Variants in LRP2 observed in about 807,000 individuals in gnomAD.
LRP2 encodes the protein low-density lipoprotein receptor-related protein 2.
In LRP2, 172 loss-of-function variants were observed where a neutral mutation model predicts 531.0. The ratio of observed to expected loss-of-function variants is 0.32; its 90% CI spans 0.29 to 0.37. LRP2 has a LOEUF of 0.37. Ranked by LOEUF, LRP2 falls within the 10% of genes least tolerant of loss-of-function variation. The pLI, the probability that LRP2 is intolerant of heterozygous loss-of-function variation, is 1.00. For synonymous variants in LRP2, 1,992 were observed against 2,027.6 expected (o/e 0.98, Z 0.47); for missense variants, 5,167 against 5,868.3 (o/e 0.88, Z 3.90).
chr2:169,273,168 G>T, intron 14 of LRP2, 101 bp from the exon 15 acceptor site: 1 of 1,333,616 alleles, frequency 7.5e-7, no homozygotes, highest in Non-Finnish European at 1.1e-6. Flanking sequence ...GTGAAATAGA[G>T]TAATGGATTA....
In LRP2 at chr2:169,179,458, C is replaced by T. The variant is rs146077817; in HGVS notation, c.10170-1432G>A. Among the ~76,000 whole-genome samples the T allele has an allele frequency of 7.9e-3, 1,200 of 152,238 alleles. 9 individuals are homozygous for T. The highest frequency in any genetic ancestry group is 0.014 in the Non-Finnish European group (920 of 68,022). ...CTACACAGCTGGGTGCAGTGGCTCA[C>T]GCCTGTAATCCCAACACTTAGGGAG... On this transcript the variant is annotated intron_variant, in intron 52 of 78. Transcript: ENST00000649046.
chr2:169,190,121 C>G (rs904904356), intron 48 of LRP2, among the ~76,000 whole-genome samples: 12 of 152,110 alleles, frequency 7.9e-5, no homozygotes, highest in Admixed American at 7.9e-4. Context: ...AGCTATTTAC[C>G]AAATTCAGAA....
chr2:169,166,616 T>G (rs1686794583), intron 61 of LRP2, among the ~76,000 whole-genome samples: 1 of 152,226 alleles, frequency 6.6e-6, no homozygotes, highest in African/African-American at 2.4e-5. Flanking sequence ...TATTGAAGCT[T>G]TAAATTGTGT....
At position 169,169,667 on chromosome 2, in the gene LRP2, G is replaced by A. The variant is rs767491393; in HGVS notation, c.11497+35C>T. Reference sequence around the variant, plus strand: ...CTAAACTATCATATCCATGCTCTCAGGTAAGCAGTACTACATATGTGTCTA... The same window carrying A: ...CTAAACTATCATATCCATGCTCTCAAGTAAGCAGTACTACATATGTGTCTA... On this transcript the variant is annotated intron_variant, in intron 60 of 78. Coordinates refer to ENST00000649046, the MANE Select transcript of LRP2 (RefSeq NM_004525.3). 8 of 1,496,666 alleles carry A rather than the reference G, an allele frequency of 5.3e-6. No individual in the cohort carries two copies. The Admixed American group carries it at 1.3e-4, about 25-fold the overall frequency. The allele number at this position is 1,496,666 out of a possible 1,614,324, so 92.7% of individuals were successfully genotyped here.
chr2:169,248,683 G>T (rs569436694), intron 19 of LRP2, among the ~76,000 whole-genome samples: 1 of 124,116 alleles, frequency 8.1e-6, no homozygotes, highest in Non-Finnish European at 1.7e-5. Flanking sequence ...CAGCGTGAGC[G>T]ACGCAGAAGA....
At chr2:169,311,289 T>G (rs1336862229) in intron 3 of LRP2, among the ~76,000 whole-genome samples, 1 of 152,228 alleles carries the variant, frequency 6.6e-6, no homozygotes, top group African/African-American at 2.4e-5. Context: ...TTAATTGTGA[T>G]GTTAGGGTGT....
At chr2:169,323,989 T>C (rs190198560) in intron 1 of LRP2, among the ~76,000 whole-genome samples, 3 of 152,190 alleles carry the variant, frequency 2.0e-5, no homozygotes, top group Admixed American at 2.0e-4. Flanking sequence ...GAACACCCTA[T>C]CTCTCCAGCA....
Position 169,292,387 on chromosome 2 carries a change from C to A in LRP2, c.653-18G>T. Reference sequence around the variant, plus strand: ...CGGATAGTCTGGAATAAAGCAACAGCTGCACTCCAAAGACACAAATCACCG... The same window carrying A: ...CGGATAGTCTGGAATAAAGCAACAGATGCACTCCAAAGACACAAATCACCG... On this transcript the variant is annotated intron_variant, in intron 6 of 78. Coordinates refer to ENST00000649046, the MANE Select transcript of LRP2 (RefSeq NM_004525.3). 1 of 1,485,272 alleles carries A rather than the reference C, an allele frequency of 6.7e-7. No individual in the cohort carries two copies. The highest frequency in any genetic ancestry group is 9.4e-7 in the Non-Finnish European group (1 of 1,062,368). The allele number at this position is 1,485,272 out of a possible 1,614,324, so 92.0% of individuals were successfully genotyped here. A position where few individuals can be genotyped will look rare whatever the true frequency, so the allele number is the denominator to read the frequency against.
At position 169,142,806 on chromosome 2, in the gene LRP2, T is replaced by G; in HGVS notation, c.12989-13A>C. ...CAAAGGTTGGGCACTGGAAAGCGGG[T>G]GAGAACAGCAGTTAGGTCCTGACAG... On this transcript the variant is annotated splice_polypyrimidine_tract_variant and intron_variant, in intron 70 of 78. Coordinates refer to ENST00000649046, the MANE Select transcript of LRP2 (RefSeq NM_004525.3). 6.2e-7 allele frequency: 1 copy of G among 1,613,564 alleles called. No individual in the cohort carries two copies. The highest frequency in any genetic ancestry group is 8.5e-7 in the Non-Finnish European group (1 of 1,179,686).
rs1316250834 is a variant in LRP2, at chr2:169,132,608, G to A, written c.13694C>T (p.Thr4565Ile). 4 of 1,610,690 alleles carry A rather than the reference G, an allele frequency of 2.5e-6. No homozygotes were observed. The Admixed American group carries it at 6.7e-5, about 27-fold the overall frequency. Residue 4565 changes from threonine (T) to isoleucine (I), a missense_variant, in exon 77 of 79, where the codon ACA (threonine) becomes ATA (isoleucine). By Grantham distance (89) the Thr-to-Ile change is moderately conservative (BLOSUM62 -1). Coordinates refer to ENST00000649046, the MANE Select transcript of LRP2 (RefSeq NM_004525.3). ...PINPSEIVPE[T>I]NPTSPAADGT... is the part of the protein sequence containing the mutation. ...ATCAGCAGCTGGTGAAGTTGGGTTT[G>A]TCTCTGGAACTATCTCAGAAGGGTT...
In LRP2 at chr2:169,132,524, C is replaced by T. The variant is rs140421505; in HGVS notation, c.13728+50G>A. 5.5e-4 allele frequency: 588 copies of T among 1,073,228 alleles called. 8 individuals are homozygous for T. The highest frequency in any genetic ancestry group is 3.8e-3 in the South Asian group (307 of 80,292). 66.5% of individuals were successfully genotyped at this position (1,073,228 alleles called of 1,614,324 possible). ...TTAAGGTTAATAAAAACCCAGTCAT[C>T]CCAAAGTTTTTCCAAATCCCACATT... On this transcript the variant is annotated intron_variant, in intron 77 of 78. Coordinates refer to ENST00000649046, the MANE Select transcript of LRP2 (RefSeq NM_004525.3).
At chr2:169,195,824 C>T (rs1465449837) in intron 46 of LRP2, among the ~76,000 whole-genome samples, 1 of 152,094 alleles carries the variant, frequency 6.6e-6, no homozygotes, top group Non-Finnish European at 1.5e-5. Flanking sequence ...ACTCCAAATA[C>T]CACTCTTCAA....
At position 169,173,130 on chromosome 2, in the gene LRP2, A is replaced by G. The variant is rs1435788895; in HGVS notation, c.11109T>C (p.Asp3703=). Residue 3703 remains aspartate, a synonymous_variant, in exon 57 of 79, where the codon GAT becomes GAC. Coordinates refer to ENST00000649046, the MANE Select transcript of LRP2 (RefSeq NM_004525.3). ...IPKWAVCNGV[D]DCRDNSDEQG... is the part of the protein sequence containing the mutation. ...GCTCATCACTGTTGTCCCTGCAGTC[A>G]TCTACACCATTGCACACGGCCCACT... is the stretch of plus-strand genomic sequence containing the variant. 1 of 1,614,146 alleles carries G rather than the reference A, an allele frequency of 6.2e-7. No homozygotes were observed.
At chr2:169,325,728 C>T (rs1445347332) in intron 1 of LRP2, among the ~76,000 whole-genome samples, 2 of 152,140 alleles carry the variant, frequency 1.3e-5, no homozygotes, top group South Asian at 2.1e-4. Context: ...ACCTGCTAGT[C>T]TCTTTCTGTG....
intron 57 of LRP2, 127 bp downstream of exon 57, chr2:169,172,969 A>AT (rs1687058069): frequency 3.0e-6 from 4 of 1,317,900 alleles, no homozygotes; most frequent in Non-Finnish European, 4.3e-6. Context: ...AGAATCAACC[A>AT]TTTTTTTACA....
At chr2:169,177,029 T>C (rs1393718049) in intron 53 of LRP2, among the ~76,000 whole-genome samples, 2 of 152,252 alleles carry the variant, frequency 1.3e-5, no homozygotes, top group Non-Finnish European at 2.9e-5. Context: ...TTACTAATTT[T>C]CCTGGTCACC....
In LRP2 at chr2:169,273,075, G is replaced by A; in HGVS notation, c.1976-8C>T. On this transcript the variant is annotated splice_polypyrimidine_tract_variant and splice_region_variant and intron_variant, in intron 14 of 78. Coordinates refer to ENST00000649046, the MANE Select transcript of LRP2 (RefSeq NM_004525.3). ...CTTTACACGGATTGGTAGCTGGAAG[G>A]AAAAATGCACAGGGTTAAATTGCAA... 1 of 1,613,390 alleles carries A rather than the reference G, an allele frequency of 6.2e-7. No individual in the cohort carries two copies. Among genetic ancestry groups the A allele is most frequent in the Admixed American group, 1.7e-5 (1 of 59,922 alleles).
intron 3 of LRP2, among the ~76,000 whole-genome samples, chr2:169,316,030 C>T (rs1424800138): frequency 4.0e-5 from 6 of 149,736 alleles, no homozygotes; most frequent in East Asian, 1.9e-4. Flanking sequence ...GTCCCAGCTA[C>T]TCTGGAGGCT....
intron 15 of LRP2, 143 bp from the exon 16 acceptor site, chr2:169,271,250 G>A (rs1303366255): frequency 1.6e-6 from 1 of 610,876 alleles, no homozygotes; most frequent in Non-Finnish European, 2.8e-6. Context: ...TTTTTGGAAA[G>A]CATAGTTAGA....
Sources: allele counts gnomAD v4.1 joint callset (sites outside exome capture counted in the v4.1 genomes callset), GRCh38; gene constraint gnomAD v4.1.1; transcripts MANE v1.5; gene names NCBI Gene and HGNC (gene_info 2026-07-23, HGNC 2026-07-21).